Variants in PRC1 observed in about 807,000 individuals in gnomAD.
PRC1 encodes anaphase spindle elongation 1 homolog.
Under a neutral mutation model 91.2 loss-of-function variants are expected in PRC1, and 54 were observed. That is an observed-to-expected ratio of 0.59 (90% confidence interval 0.48 to 0.74). The LOEUF is 0.74. Ranked by LOEUF, PRC1 falls within the 30% of genes least tolerant of loss-of-function variation. The pLI, the probability that PRC1 is intolerant of heterozygous loss-of-function variation, is 0.00. For missense variants in PRC1, 727 were observed against 746.2 expected, an observed-to-expected ratio of 0.97 and a Z score of 0.30; for synonymous variants, 275 against 263.6, an observed-to-expected ratio of 1.04 and a Z score of -0.42.
intron 1 of PRC1, among the ~76,000 whole-genome samples, 197 bp from the exon 2 acceptor site, chr15:90,985,022 T>C (rs1000749042): frequency 1.3e-5 from 2 of 152,154 alleles, no homozygotes; most frequent in African/African-American, 4.8e-5. Context: ...AATACAAGAT[T>C]TCATATCATA....
At chr15:90,976,011 TCA>T (rs2038657393) in intron 9 of PRC1, among the ~76,000 whole-genome samples, 1 of 152,152 alleles carries the variant, frequency 6.6e-6, no homozygotes, top group Admixed American at 6.5e-5. Context: ...CATGTTGATC[TCA>T]GATTTACAGC....
At chr15:90,968,712 G>T (rs1289637765) in intron 14 of PRC1, 13 of 1,104,804 alleles carry the variant, frequency 1.2e-5, no homozygotes, top group African/African-American at 1.6e-5. Context: ...CACAGGCCAA[G>T]AGCCTCATTG....
At chr15:90,967,272 G>C in intron 14 of PRC1, 70 bp from the exon 15 acceptor site, 2 of 1,366,990 alleles carry the variant, frequency 1.5e-6, no homozygotes, top group Admixed American at 3.4e-5. Context: ...TCTAAGTTTG[G>C]TTAAGTGTCA....
intron 8 of PRC1, 123 bp downstream of exon 8, chr15:90,979,035 T>C (rs2038972968): frequency 1.6e-6 from 2 of 1,250,920 alleles, no homozygotes; most frequent in African/African-American, 1.5e-5. Flanking sequence ...TCAGCAGAAA[T>C]TCAGAGAGAC....
At chr15:90,981,242 A>C (rs1049226425) in intron 5 of PRC1, 1 of 734,900 alleles carries the variant, frequency 1.4e-6, no homozygotes, top group African/African-American at 1.8e-5. Context: ...GAACTGAAAA[A>C]AATTTTAATT....
At chr15:90,978,745 C>T (rs1184740898) in intron 8 of PRC1, among the ~76,000 whole-genome samples, 18 of 129,474 alleles carry the variant, frequency 1.4e-4, no homozygotes, top group African/African-American at 5.8e-4. Context: ...AAGAGCGAAA[C>T]TCCACCTCAA....
rs1188566059 is a variant in PRC1, at chr15:90,970,462, A to T, written c.1514T>A (p.Ile505Asn). 1 of 1,613,972 alleles carries T rather than the reference A, an allele frequency of 6.2e-7. No individual in the cohort carries two copies. Among genetic ancestry groups the T allele is most frequent in the Non-Finnish European group, 8.5e-7 (1 of 1,179,876 alleles). ...NATANSSIRP[I>N]FGGTVYHSPV... ...GGAGTGGTAGACTGTCCCTCCAAAG[A>T]TAGGCCGAATGCTACTATTGGCCGT... is the stretch of plus-strand genomic sequence containing the variant. The change falls in exon 12 of 15, where the codon ATC (isoleucine) becomes AAC (asparagine). Residue 505 changes from isoleucine (I) to asparagine (N), a missense_variant. Physicochemically the swap from Ile to Asn is moderately radical, Grantham distance 149. Transcript: ENST00000394249.
At chr15:90,994,125 T>C (rs1414082527) in intron 1 of PRC1, among the ~76,000 whole-genome samples, 1 of 146,716 alleles carries the variant, frequency 6.8e-6, no homozygotes, top group Non-Finnish European at 1.6e-5. Context: ...TCGACTACCC[T>C]GCCGCGTCCG....
At chr15:90,985,380 G>T (rs79486085) in intron 1 of PRC1, among the ~76,000 whole-genome samples, 1,902 of 151,792 alleles carry the variant, frequency 0.013, 41 homozygotes, top group African/African-American at 0.044. Flanking sequence ...ATAGGCAGGT[G>T]CTACCACACC....
At position 90,974,030 on chromosome 15, in the gene PRC1, G is replaced by A. The variant is rs2038426724; in HGVS notation, c.1461+106C>T. 1.1e-6 allele frequency: 1 copy of A among 883,744 alleles called. No individual in the cohort carries two copies. Among genetic ancestry groups the A allele is most frequent in the Non-Finnish European group, 1.8e-6 (1 of 545,410 alleles). 54.7% of individuals were successfully genotyped at this position (883,744 alleles called of 1,614,324 possible). A position where few individuals can be genotyped will look rare whatever the true frequency, so the allele number is the denominator to read the frequency against. On this transcript the variant is annotated intron_variant, in intron 11 of 14. Transcript: ENST00000394249. The surrounding 1 kb of genome is among the most constrained non-coding windows in gnomAD (Gnocchi z 4.6). ...TTCTCTGTCTCTTGTCCCACCTGAT[G>A]AGAAATACCCACAGGTGTGGAGGGG...
intron 12 of PRC1, 119 bp downstream of exon 12, chr15:90,970,285 C>A: frequency 2.7e-6 from 2 of 747,718 alleles, no homozygotes; most frequent in Non-Finnish European, 4.6e-6. Flanking sequence ...TGTCAACTCT[C>A]AGCATCTCAA....
chr15:90,980,887 T>G lies in PRC1; in HGVS notation c.819A>C (p.Lys273Asn). ...IMSGSKAKVR[K>N]ALQLEVDRLE... is the part of the protein sequence containing the mutation. ...CAGTACCCACTGGGTTTCTTACCGC[T>G]TTCCGGACCTTGGCCTTTGACCCAG... is the stretch of plus-strand genomic sequence containing the variant. Residue 273 changes from lysine (K) to asparagine (N), a missense_variant, in exon 6 of 15, where the codon AAA becomes AAC. Physicochemically the swap from Lys to Asn is moderately conservative, Grantham distance 94 (BLOSUM62 0). Transcript: ENST00000394249. 6.2e-7 allele frequency: 1 copy of G among 1,614,198 alleles called. No individual in the cohort carries two copies.
At chr15:90,975,557 T>C (rs754638589) in intron 9 of PRC1, among the ~76,000 whole-genome samples, 1 of 116,934 alleles carries the variant, frequency 8.6e-6, no homozygotes, top group Admixed American at 9.1e-5. Flanking sequence ...AAAATGGTAA[T>C]GGAGCCCACA....
At position 90,966,062 on chromosome 15, in the gene PRC1, A is replaced by ACGTGTCCTG. The variant is rs2037460937; in HGVS notation, c.*1068_*1069insCAGGACACG. 6.6e-6 allele frequency: 1 copy of ACGTGTCCTG among 152,248 alleles called. No homozygotes were observed. Among genetic ancestry groups the ACGTGTCCTG allele is most frequent in the Non-Finnish European group, 1.5e-5 (1 of 68,066 alleles). The allele number at this position is 152,248 out of a possible 1,614,324, so 9.4% of individuals were successfully genotyped here. A position where few individuals can be genotyped will look rare whatever the true frequency, so the allele number is the denominator to read the frequency against. On this transcript the variant is annotated 3_prime_UTR_variant, in exon 15 of 15. Coordinates refer to ENST00000394249, the MANE Select transcript of PRC1 (RefSeq NM_003981.4). ...ATCTTTTTGAAATGTAAGTATACAG[A>ACGTGTCCTG]TTTTAATTTATTTTTAAGAATAATT... is the stretch of plus-strand genomic sequence containing the variant.
At position 90,984,921 on chromosome 15, in the gene PRC1, G is replaced by T; in HGVS notation, c.12-96C>A. On this transcript the variant is annotated intron_variant, in intron 1 of 14. Coordinates refer to ENST00000394249, the MANE Select transcript of PRC1 (RefSeq NM_003981.4). The surrounding 1 kb of genome is among the most constrained non-coding windows in gnomAD (Gnocchi z 5.1). Reference sequence around the variant, plus strand: ...GAACTAAAAAGACTAGCTTCTCAGTGGCCTCGAGAAAAAAACAAATTGAAA... The same window carrying T: ...GAACTAAAAAGACTAGCTTCTCAGTTGCCTCGAGAAAAAAACAAATTGAAA... 1 of 1,477,624 alleles carries T rather than the reference G, an allele frequency of 6.8e-7. No individual in the cohort carries two copies. 91.5% of individuals were successfully genotyped at this position (1,477,624 alleles called of 1,614,324 possible).
At chr15:90,975,618 C>T (rs1001136759) in intron 9 of PRC1, among the ~76,000 whole-genome samples, 12 of 152,056 alleles carry the variant, frequency 7.9e-5, no homozygotes, top group African/African-American at 2.7e-4. Flanking sequence ...TTGTGTTTCC[C>T]CCAAATTCAA....
intron 14 of PRC1, 79 bp from the exon 15 acceptor site, chr15:90,967,281 C>A: frequency 8.3e-7 from 1 of 1,209,150 alleles, no homozygotes. Context: ...GGTTAAGTGT[C>A]AGCAAAAGGT....
chr15:90,969,791 T>TAC (rs1274019010), intron 12 of PRC1, among the ~76,000 whole-genome samples, 168 bp from the exon 13 acceptor site: 1 of 137,962 alleles, frequency 7.2e-6, no homozygotes, highest in Non-Finnish European at 1.5e-5. Context: ...TATATATATA[T>TAC]ATATATATAT....
chr15:90,986,777 G>C (rs1290278878), intron 1 of PRC1, among the ~76,000 whole-genome samples: 1 of 151,736 alleles, frequency 6.6e-6, no homozygotes, highest in East Asian at 1.9e-4. Flanking sequence ...GTATACAATT[G>C]AAACTACCTG....
Sources: allele counts gnomAD v4.1 joint callset (sites outside exome capture counted in the v4.1 genomes callset), GRCh38; gene constraint gnomAD v4.1.1; non-coding constraint Gnocchi (gnomAD v3.1); transcripts MANE v1.5; gene names NCBI Gene and HGNC (gene_info 2026-07-23, HGNC 2026-07-21).